EMILIN3: variants seen among roughly 807,000 people sequenced by gnomAD.
The protein encoded by EMILIN3 is EMILIN-3.
Under a neutral mutation model 42.8 loss-of-function variants are expected in EMILIN3, and 38 were observed. The ratio of observed to expected loss-of-function variants is 0.89; its 90% CI spans 0.69 to 1.16. The LOEUF (loss-of-function observed/expected upper bound fraction) is 1.16, where lower values mean the gene tolerates loss of function less well. Among genes scored for constraint, EMILIN3 ranks in the 50% most tolerant of loss-of-function variants. The pLI, the probability that EMILIN3 is intolerant of heterozygous loss-of-function variation, is 0.00. For missense variants in EMILIN3, 924 were observed against 999.5 expected (o/e 0.92, Z 1.02); for synonymous variants, 430 against 440.5 (o/e 0.98, Z 0.30).
In EMILIN3 at chr20:41,362,145, T is replaced by C. The variant is rs997888264; in HGVS notation, c.1424A>G (p.Gln475Arg). ...TGTTGCTAGGCGCTCCTCGAGGCTCTGCACGCGCTCTTCCAGCATGGTCCC... is the reference window on the plus strand; with the variant it reads ...TGTTGCTAGGCGCTCCTCGAGGCTCCGCACGCGCTCTTCCAGCATGGTCCC... ...GFGTMLEERVQSLEERLATLA... is the reference protein window; with the variant it reads ...GFGTMLEERVRSLEERLATLA... Residue 475 changes from glutamine (Q) to arginine (R), a missense_variant, in exon 4 of 4, where the codon CAG becomes CGG. Physicochemically the swap from Gln to Arg is conservative, Grantham distance 43. Transcript: ENST00000332312. The C allele has an allele frequency of 6.2e-7, 1 of 1,610,236 alleles. No individual in the cohort carries two copies. The highest frequency in any genetic ancestry group is 8.5e-7 in the Non-Finnish European group (1 of 1,177,670).
intron 3 of EMILIN3, among the ~76,000 whole-genome samples, chr20:41,363,431 G>A (rs374878073): frequency 1.3e-5 from 2 of 152,162 alleles, no homozygotes; most frequent in African/African-American, 4.8e-5. Flanking sequence ...ATGAGCCACC[G>A]CGCCCAGCCC....
In EMILIN3 at chr20:41,362,491, G is replaced by A; in HGVS notation, c.1078C>T (p.Leu360=). The change falls in exon 4 of 4, where the codon CTG becomes TTG. Residue 360 remains leucine (L), a synonymous_variant. Transcript: ENST00000332312. ...TGTGACAGCTCCTGGCGCAGGGCCA[G>A]CTCCCGGCCATCAAGGCTCTGGTGC... The part of the protein sequence containing the change: ...RLHQSLDGRE[L]ALRQELSQLG... 1 of 1,599,394 alleles carries A rather than the reference G, an allele frequency of 6.3e-7. No individual in the cohort carries two copies. The highest frequency in any genetic ancestry group is 1.1e-5 in the South Asian group (1 of 90,922).
At chr20:41,364,979 C>A in intron 2 of EMILIN3, 56 bp downstream of exon 2, 1 of 1,606,874 alleles carries the variant, frequency 6.2e-7, no homozygotes, top group Non-Finnish European at 8.5e-7. Flanking sequence ...CAGCTGAAGG[C>A]AGGACTGGCG....
In EMILIN3 at chr20:41,362,264, C is replaced by A; in HGVS notation, c.1305G>T (p.Leu435=). Residue 435 remains leucine (L), a synonymous_variant, in exon 4 of 4, where the codon CTG becomes CTT. Coordinates refer to ENST00000332312, the MANE Select transcript of EMILIN3 (RefSeq NM_052846.2). ...AAMLEGGVDG[L]LEGLETLNGT... is the part of the protein sequence containing the mutation. ...CATTGAGCGTCTCCAGACCCTCAAG[C>A]AGCCCGTCCACACCTCCCTCGAGCA... The A allele has an allele frequency of 6.2e-7, 1 of 1,613,944 alleles. No individual in the cohort carries two copies. Among genetic ancestry groups the A allele is most frequent in the Non-Finnish European group, 8.5e-7 (1 of 1,179,982 alleles).
rs1394239029 is a variant in EMILIN3, at chr20:41,361,790, T to G, written c.1779A>C (p.Ser593=). 1 of 1,613,550 alleles carries G rather than the reference T, an allele frequency of 6.2e-7. No homozygotes were observed. Among genetic ancestry groups the G allele is most frequent in the Non-Finnish European group, 8.5e-7 (1 of 1,180,054 alleles). The change falls in exon 4 of 4, where the codon TCA becomes TCC. Residue 593 remains serine, a synonymous_variant. Coordinates refer to ENST00000332312, the MANE Select transcript of EMILIN3 (RefSeq NM_052846.2). ...TGAGGCCTGTGAGCGACTTGCTCAC[T>G]GAGTTCAGATTGACCTTGAGCAGAG... ...EITLLKVNLN[S]VSKSLTGLSD... is the part of the protein sequence containing the mutation.
Position 41,364,000 on chromosome 20 carries a change from C to T in EMILIN3, c.291-139G>A. The T allele has an allele frequency of 3.9e-6, 3 of 760,184 alleles. No individual in the cohort carries two copies. In the East Asian group the frequency reaches 8.1e-5, roughly 21 times the overall value. The allele number at this position is 760,184 out of a possible 1,614,324, so 47.1% of individuals were successfully genotyped here. On this transcript the variant is annotated intron_variant, in intron 2 of 3. Transcript: ENST00000332312. ...CCTCCATAGCACCCCCAGGGCTGTA[C>T]TTTTTCTGTGCTTAAGGTGACAGGG...
chr20:41,364,994 T>A, intron 2 of EMILIN3, 41 bp downstream of exon 2: 1 of 1,611,292 alleles, frequency 6.2e-7, no homozygotes, highest in Non-Finnish European at 8.5e-7. Context: ...CTGGCGCTTG[T>A]GCCAGGGGAT....
Position 41,361,291 on chromosome 20 carries a change from C to G in EMILIN3, c.2278G>C (p.Val760Leu), listed in dbSNP as rs1267504753. 1 of 1,596,734 alleles carries G rather than the reference C, an allele frequency of 6.3e-7. No individual in the cohort carries two copies. Among genetic ancestry groups the G allele is most frequent in the Admixed American group, 1.7e-5 (1 of 59,460 alleles). ...GTCTAGTTGGCTTGCCCTGGCCGCA[C>G]CTGCTCAGCCAGCTGGGCCTGGCAG... ...LDCQAQLAEQ[V>L]RPGQAN The change falls in exon 4 of 4, where the codon GTG becomes CTG. Residue 760 changes from valine to leucine, a missense_variant. Coordinates refer to ENST00000332312, the MANE Select transcript of EMILIN3 (RefSeq NM_052846.2).
At chr20:41,364,919 G>A in intron 2 of EMILIN3, 116 bp downstream of exon 2, 3 of 1,477,608 alleles carry the variant, frequency 2.0e-6, no homozygotes, top group Non-Finnish European at 2.8e-6. Flanking sequence ...GGGGGCTCAG[G>A]TGGGCTCTCT....
intron 2 of EMILIN3, among the ~76,000 whole-genome samples, chr20:41,364,570 C>A (rs1199551494): frequency 3.9e-5 from 6 of 152,188 alleles, no homozygotes; most frequent in Non-Finnish European, 8.8e-5. Flanking sequence ...ATCCCATGTG[C>A]GTGCAGCCCT....
Position 41,360,160 on chromosome 20 carries a change from T to C in EMILIN3, c.*1108A>G, listed in dbSNP as rs1419695549. 6.6e-6 allele frequency: 1 copy of C among 152,618 alleles called. No homozygotes were observed. The highest frequency in any genetic ancestry group is 1.5e-5 in the Non-Finnish European group (1 of 68,044). 9.5% of individuals were successfully genotyped at this position (152,618 alleles called of 1,614,324 possible). ...ACCGGTGTCAAGAGTCTCTGGGAAC[T>C]GCATAGGCCTGAGGAACATGCATTT... On this transcript the variant is annotated 3_prime_UTR_variant, in exon 4 of 4. Transcript: ENST00000332312.
rs925863363 is a variant in EMILIN3 at position 41,360,432 on chromosome 20, A to T, written c.*836T>A. 7 of 152,630 alleles carry T rather than the reference A, an allele frequency of 4.6e-5. No individual in the cohort carries two copies. The highest frequency in any genetic ancestry group is 1.7e-4 in the African/African-American group (7 of 41,548). 9.5% of individuals were successfully genotyped at this position (152,630 alleles called of 1,614,324 possible). A position where few individuals can be genotyped will look rare whatever the true frequency, so the allele number is the denominator to read the frequency against. Reference sequence around the variant, plus strand: ...GTGTGGGCACCAGAGGGCCCTGGAAACATCTTAGGGGAAGGAAAGGAAAAG... The same window carrying T: ...GTGTGGGCACCAGAGGGCCCTGGAATCATCTTAGGGGAAGGAAAGGAAAAG... On this transcript the variant is annotated 3_prime_UTR_variant, in exon 4 of 4. Coordinates refer to ENST00000332312, the MANE Select transcript of EMILIN3 (RefSeq NM_052846.2).
chr20:41,361,503 A>T lies in EMILIN3; in HGVS notation c.2066T>A (p.Phe689Tyr), dbSNP rs756902949. The T allele has an allele frequency of 3.1e-6, 5 of 1,610,644 alleles. No individual in the cohort carries two copies. In the South Asian group the frequency reaches 5.5e-5, roughly 18 times the overall value. ...CTCCACTTGTGCCACCCGCTGGTCA[A>T]AGTGTCCCACTGTGTGCTGAAGTTT... ...AQKLQHTVGH[F>Y]DQRVAQVEGA... The change falls in exon 4 of 4, where the codon TTT (phenylalanine) becomes TAT (tyrosine). Residue 689 changes from phenylalanine (F) to tyrosine (Y), a missense_variant. Coordinates refer to ENST00000332312, the MANE Select transcript of EMILIN3 (RefSeq NM_052846.2).
Position 41,363,771 on chromosome 20 carries a change from T to C in EMILIN3, c.381A>G (p.Lys127=). 6.2e-7 allele frequency: 1 copy of C among 1,614,054 alleles called. No individual in the cohort carries two copies. Among genetic ancestry groups the C allele is most frequent in the Non-Finnish European group, 8.5e-7 (1 of 1,179,998 alleles). Residue 127 remains lysine (K), a synonymous_variant, in exon 3 of 4, where the codon AAA becomes AAG. Transcript: ENST00000332312. ...GGTCCGTGAGGTGCTCAGGGCAGCG[T>C]TTCCCAGTGAAGCCGGGACAGCAAC... is the stretch of plus-strand genomic sequence containing the variant. ...AWRCCPGFTG[K]RCPEHLTDHG... is the part of the protein sequence containing the mutation.
chr20:41,362,587 T>C lies in EMILIN3; in HGVS notation c.982A>G (p.Ser328Gly), dbSNP rs2046371275. ...GFEQKLQGVQ[S>G]ECDLRVQEVR... The stretch of plus-strand genomic sequence containing the variant: ...TCCTGCACCCGCAGGTCACACTCAC[T>C]CTGGACGCCTTGCAGCTTCTGCTCA... The change falls in exon 4 of 4, where the codon AGT (serine) becomes GGT (glycine). Residue 328 changes from serine (S) to glycine (G), a missense_variant. By Grantham distance (56) the Ser-to-Gly change is moderately conservative (BLOSUM62 0). Transcript: ENST00000332312. The C allele has an allele frequency of 6.2e-6, 10 of 1,601,216 alleles. No individual in the cohort carries two copies. Among genetic ancestry groups the C allele is most frequent in the Non-Finnish European group, 8.5e-6 (10 of 1,179,348 alleles).
rs752942587 is a variant in EMILIN3 at position 41,363,842 on chromosome 20, G to A, written c.310C>T (p.Pro104Ser). 5 of 1,613,988 alleles carry A rather than the reference G, an allele frequency of 3.1e-6. No homozygotes were observed. The highest frequency in any genetic ancestry group is 4.2e-6 in the Non-Finnish European group (5 of 1,180,008). ...GTCTTGTAGCCAACCTTGTATTTGGGTCTGAGTACTGTGCGGTACCTGGGC... is the reference window on the plus strand; with the variant it reads ...GTCTTGTAGCCAACCTTGTATTTGGATCTGAGTACTGTGCGGTACCTGGGC... Reference protein sequence around the residue: ...GTVTYRTVLRPKYKVGYKTVT... With the variant: ...GTVTYRTVLRSKYKVGYKTVT... Residue 104 changes from proline to serine, a missense_variant, in exon 3 of 4, where the codon CCC becomes TCC. Physicochemically the swap from Pro to Ser is moderately conservative, Grantham distance 74. Transcript: ENST00000332312.
chr20:41,363,678 G>C lies in EMILIN3; in HGVS notation c.474C>G (p.Pro158=). Residue 158 remains proline (P), a synonymous_variant, in exon 3 of 4, where the codon CCC becomes CCG. Coordinates refer to ENST00000332312, the MANE Select transcript of EMILIN3 (RefSeq NM_052846.2). ...CTGCTCTGCTGTAGGAAGGGGGCCTGGGGCCTGGGTCCAGCTGCCCTGAAG... is the reference window on the plus strand; with the variant it reads ...CTGCTCTGCTGTAGGAAGGGGGCCTCGGGCCTGGGTCCAGCTGCCCTGAAG... The part of the protein sequence containing the change: ...QIPSGQLDPG[P]RPPSYSRAAP... 2 of 1,613,572 alleles carry C rather than the reference G, an allele frequency of 1.2e-6. No homozygotes were observed.
Position 41,362,633 on chromosome 20 carries a change from CCA to C in EMILIN3, c.934_935del (p.Trp312GlyfsTer8). ...GCTCAAAGCCATCCAGCAGGCTCCCCCAGAGTCGGTGCAGCCGTCGGTCCACG... is the reference window on the plus strand; with the variant it reads ...GCTCAAAGCCATCCAGCAGGCTCCCCGAGTCGGTGCAGCCGTCGGTCCACG... The part of the protein sequence containing the change: ...EYVDRRLHRL[W>X]GSLLDGFEQK... On this transcript the variant is annotated frameshift_variant, in exon 4 of 4. Coordinates refer to ENST00000332312, the MANE Select transcript of EMILIN3 (RefSeq NM_052846.2). LOFTEE classifies it high-confidence loss of function. 1 of 1,606,672 alleles carries C rather than the reference CCA, an allele frequency of 6.2e-7. No individual in the cohort carries two copies. Among genetic ancestry groups the C allele is most frequent in the South Asian group, 1.1e-5 (1 of 90,922 alleles).
chr20:41,364,738 A>T (rs1325400443), intron 2 of EMILIN3, among the ~76,000 whole-genome samples: 1 of 151,826 alleles, frequency 6.6e-6, no homozygotes, highest in Non-Finnish European at 1.5e-5. Context: ...ACTTCCTCCT[A>T]GCCTTGTGCT....
Sources: allele counts gnomAD v4.1 joint callset (sites outside exome capture counted in the v4.1 genomes callset), GRCh38; gene constraint gnomAD v4.1.1; transcripts MANE v1.5; gene names NCBI Gene and HGNC (gene_info 2026-07-23, HGNC 2026-07-21).